The following ZFPM1 variants were observed in gnomAD, a reference collection of about 807,000 sequenced individuals.
The protein encoded by ZFPM1 is zinc finger protein ZFPM1.
A neutral mutation model predicts 46.3 loss-of-function variants in ZFPM1; 28 were observed. That is an observed-to-expected ratio of 0.60 (90% CI 0.45 to 0.83). ZFPM1 has a LOEUF of 0.83. Among genes scored for constraint, ZFPM1 ranks in the 40% least tolerant of loss-of-function variants. ZFPM1 has a pLI of 0.00. For synonymous variants in ZFPM1, 957 were observed against 675.9 expected (o/e 1.42, Z -6.45); for missense variants, 1,878 against 1,432.4 (o/e 1.31, Z -5.02).
chr16:88,519,169 G>A (rs1397562837), intron 4 of ZFPM1, among the ~76,000 whole-genome samples: 1 of 142,446 alleles, frequency 7.0e-6, no homozygotes, highest in Non-Finnish European at 1.5e-5. Flanking sequence ...GGATGCATGG[G>A]TGGGTGGATG....
intron 1 of ZFPM1, 99 bp from the exon 2 acceptor site, chr16:88,485,840 C>A: frequency 8.7e-7 from 1 of 1,146,942 alleles, no homozygotes; most frequent in Non-Finnish European, 1.3e-6. Context: ...TTGCCATTTC[C>A]GCCTGGGCAC....
chr16:88,462,660 G>A (rs529248688), intron 1 of ZFPM1, among the ~76,000 whole-genome samples: 6 of 152,328 alleles, frequency 3.9e-5, no homozygotes, highest in Admixed American at 3.9e-4. Flanking sequence ...GGCCGCCATG[G>A]TTGGAATCCT....
chr16:88,508,513 T>G (rs972347712), intron 3 of ZFPM1, among the ~76,000 whole-genome samples: 1 of 152,038 alleles, frequency 6.6e-6, no homozygotes, highest in Non-Finnish European at 1.5e-5. Flanking sequence ...TCCACGTGGG[T>G]TCCCCTGGTC....
At chr16:88,506,572 C>T (rs924353814) in intron 3 of ZFPM1, among the ~76,000 whole-genome samples, 26 of 152,272 alleles carry the variant, frequency 1.7e-4, no homozygotes, top group Admixed American at 1.5e-3. Flanking sequence ...TGGGTGTGCA[C>T]GGGGCACAGC....
In ZFPM1 at chr16:88,470,156, G is replaced by A. The variant is rs72805394; in HGVS notation, c.41-15783G>A. On this transcript the variant is annotated intron_variant, in intron 1 of 9. Coordinates refer to ENST00000319555, the MANE Select transcript of ZFPM1 (RefSeq NM_153813.3). ...ATTGTCCTGGGCAAAGGCCCCTCCCGTGTAGGAGCATCGCCTGTGGAGAGC... is the reference window on the plus strand; with the variant it reads ...ATTGTCCTGGGCAAAGGCCCCTCCCATGTAGGAGCATCGCCTGTGGAGAGC... Among the ~76,000 whole-genome samples, 1,377 of 152,322 alleles carry A rather than the reference G, an allele frequency of 9.0e-3. 7 individuals are homozygous for A. The highest frequency in any genetic ancestry group is 0.019 in the African/African-American group (775 of 41,572).
chr16:88,491,550 C>T (rs1342334966), intron 3 of ZFPM1, among the ~76,000 whole-genome samples: 1 of 152,176 alleles, frequency 6.6e-6, no homozygotes, highest in Non-Finnish European at 1.5e-5. Flanking sequence ...TTGATCGCCA[C>T]CCCAAGGGTC....
rs538424404 is a variant in ZFPM1 at position 88,508,623 on chromosome 16, A to G, written c.269-5764A>G. On this transcript the variant is annotated intron_variant, in intron 3 of 9. Transcript: ENST00000319555. The stretch of plus-strand genomic sequence containing the variant: ...CCCTGGTTGGTGAATCCTGGGAACC[A>G]GGGCTCTGCCTCCCGTAGGTGGCTG... Among the ~76,000 whole-genome samples, 8 of 152,326 alleles carry G rather than the reference A, an allele frequency of 5.3e-5. No homozygotes were observed. In the East Asian group the frequency reaches 1.5e-3, roughly 29 times the overall value.
At chr16:88,517,210 ATGGATGGATGGATGGATGGG>A (rs1180931524) in intron 4 of ZFPM1, among the ~76,000 whole-genome samples, 1 of 118,876 alleles carries the variant, frequency 8.4e-6, no homozygotes, top group African/African-American at 3.1e-5. Context: ...GGATGGATGG[ATGGATGGATGGATGGATGGG>A]TGGGTGGGTG....
At chr16:88,493,493 C>T (rs1339966596) in intron 3 of ZFPM1, among the ~76,000 whole-genome samples, 7 of 136,378 alleles carry the variant, frequency 5.1e-5, no homozygotes, top group Non-Finnish European at 7.9e-5. Context: ...AGAGCTGTCC[C>T]GGGGTGGGGA....
intron 1 of ZFPM1, among the ~76,000 whole-genome samples, chr16:88,484,776 G>A (rs1471345060): frequency 1.3e-5 from 2 of 152,164 alleles, no homozygotes; most frequent in Non-Finnish European, 2.9e-5. Flanking sequence ...CCCATCACCA[G>A]CCCCGCCGGC....
chr16:88,528,156 G>C lies in ZFPM1; in HGVS notation c.630G>C (p.Thr210=), dbSNP rs770247387. 3.1e-6 allele frequency: 5 copies of C among 1,608,458 alleles called. No individual in the cohort carries two copies. The highest frequency in any genetic ancestry group is 1.3e-5 in the African/African-American group (1 of 74,930). ...HPVKKEPAEP[T]CPAPAHDLQL... is the part of the protein sequence containing the mutation. ...TGAAGAAGGAGCCAGCAGAGCCCAC[G>C]TGCCCGGCCCCTGCACACGACCTCC... Residue 210 remains threonine, a synonymous_variant, in exon 6 of 10, where the codon ACG becomes ACC. Coordinates refer to ENST00000319555, the MANE Select transcript of ZFPM1 (RefSeq NM_153813.3).
chr16:88,494,398 C>G (rs1457465818), intron 3 of ZFPM1, among the ~76,000 whole-genome samples: 1 of 152,138 alleles, frequency 6.6e-6, no homozygotes, highest in African/African-American at 2.4e-5. Flanking sequence ...AAGGGATCCA[C>G]CAGTGGGGTT....
intron 7 of ZFPM1, 147 bp from the exon 8 acceptor site, chr16:88,532,467 C>CGGAGGAGGAGGA: frequency 2.3e-6 from 2 of 870,558 alleles, no homozygotes; most frequent in Admixed American, 5.6e-5. Flanking sequence ...AGACAAAAGG[C>CGGAGGAGGAGGA]GGAGGAGGAG....
intron 4 of ZFPM1, among the ~76,000 whole-genome samples, chr16:88,525,544 C>T (rs1045717838): frequency 2.6e-5 from 4 of 152,238 alleles, no homozygotes; most frequent in African/African-American, 7.2e-5. Context: ...TGCTGGAGCA[C>T]GCGTGTATGC....
intron 1 of ZFPM1, among the ~76,000 whole-genome samples, chr16:88,473,025 G>C (rs1217854262): frequency 1.3e-5 from 2 of 152,270 alleles, no homozygotes; most frequent in African/African-American, 4.8e-5. Flanking sequence ...GGAGGTCTGG[G>C]CGCAGGCCCT....
intron 3 of ZFPM1, among the ~76,000 whole-genome samples, chr16:88,491,076 C>CGGGTCCCGGTCAGGCGCTGGTGCCTTCGG (rs1567536480): frequency 6.8e-6 from 1 of 146,722 alleles, no homozygotes; most frequent in South Asian, 2.1e-4. Flanking sequence ...GGTGCCTTCG[C>CGGGTCCCGGTCAGGCGCTGGTGCCTTCGG]GGGTCCCAGT....
chr16:88,470,091 A>G (rs986342376), intron 1 of ZFPM1, among the ~76,000 whole-genome samples: 5 of 152,136 alleles, frequency 3.3e-5, no homozygotes, highest in Non-Finnish European at 7.4e-5. Context: ...AGCAGAAGGA[A>G]AAAGGAAACG....
chr16:88,492,368 G>A (rs543874099), intron 3 of ZFPM1, among the ~76,000 whole-genome samples: 1 of 152,150 alleles, frequency 6.6e-6, no homozygotes, highest in Admixed American at 6.5e-5. Context: ...TCTGAACCTG[G>A]CCTGGGGCCC....
At chr16:88,464,650 G>T (rs765352330) in intron 1 of ZFPM1, among the ~76,000 whole-genome samples, 5 of 152,278 alleles carry the variant, frequency 3.3e-5, no homozygotes, top group Non-Finnish European at 5.9e-5. Context: ...GCCCTCTGGG[G>T]CCCTGGCTCA....
Sources: gnomAD v4.1 joint callset for allele counts (sites outside exome capture counted in the v4.1 genomes callset) on GRCh38, gnomAD v4.1.1 for gene constraint, MANE v1.5 for transcripts, NCBI Gene and HGNC (gene_info 2026-07-23, HGNC 2026-07-21) for gene names.